AP4E1: variants seen among roughly 807,000 people sequenced by gnomAD.
AP4E1 encodes adaptor related protein complex 4 subunit epsilon 1.
In AP4E1, 56 loss-of-function variants were observed where a neutral mutation model predicts 128.2. That is an observed-to-expected ratio of 0.44 (90% confidence interval 0.35 to 0.55). AP4E1 has a LOEUF of 0.55. AP4E1 is among the 20% of genes least tolerant of loss of function. AP4E1 has a pLI of 0.00. For missense variants in AP4E1, 1,324 were observed against 1,307.7 expected, an observed-to-expected ratio of 1.01 and a Z score of -0.19; for synonymous variants, 484 against 473.1, an observed-to-expected ratio of 1.02 and a Z score of -0.30.
chr15:50,968,486 A>G (rs2064427556), intron 15 of AP4E1, 109 bp downstream of exon 15: 2 of 903,298 alleles, frequency 2.2e-6, no homozygotes, highest in Admixed American at 4.4e-5. Flanking sequence ...ATTTCTCTTT[A>G]ATGATTCACT....
intron 5 of AP4E1, among the ~76,000 whole-genome samples, chr15:50,926,780 C>T (rs1331534481): frequency 6.6e-6 from 1 of 151,932 alleles, no homozygotes; most frequent in African/African-American, 2.4e-5. Flanking sequence ...TTAGTAGAGA[C>T]AGTGTTTCAC....
chr15:50,997,283 G>A, intron 17 of AP4E1, 43 bp from the exon 18 acceptor site: 8 of 1,496,272 alleles, frequency 5.3e-6, no homozygotes, highest in Non-Finnish European at 7.1e-6. Context: ...CTCATGACTA[G>A]TAGAATGATT....
intron 16 of AP4E1, among the ~76,000 whole-genome samples, chr15:50,992,605 T>C (rs1163362327): frequency 2.0e-5 from 3 of 152,218 alleles, no homozygotes; most frequent in African/African-American, 7.2e-5. Flanking sequence ...ATGCCTTGTT[T>C]AGGCTTTTTG....
intron 7 of AP4E1, among the ~76,000 whole-genome samples, chr15:50,931,786 C>T (rs2063839882): frequency 6.6e-6 from 1 of 152,076 alleles, no homozygotes; most frequent in South Asian, 2.1e-4. Context: ...AAAATCTCTT[C>T]TTAGCTTGAA....
In AP4E1 at chr15:50,924,098, AAAGTGGGCTTGCAG is replaced by A. The variant is rs2063740646; in HGVS notation, c.420+97_420+110del. 5.7e-6 allele frequency: 6 copies of A among 1,058,474 alleles called. No homozygotes were observed. In the East Asian group the frequency reaches 1.5e-4, roughly 26 times the overall value. The allele number at this position is 1,058,474 out of a possible 1,614,324, so 65.6% of individuals were successfully genotyped here. On this transcript the variant is annotated intron_variant, in intron 4 of 20. Coordinates refer to ENST00000261842, the MANE Select transcript of AP4E1 (RefSeq NM_007347.5). ...ATATTCAACTAGATGAGATTAGAAGAAAGTGGGCTTGCAGAATGGGCTTAGAAGAATCTTTTAGA... is the reference window on the plus strand; with the variant it reads ...ATATTCAACTAGATGAGATTAGAAGAAATGGGCTTAGAAGAATCTTTTAGA...
intron 16 of AP4E1, among the ~76,000 whole-genome samples, chr15:50,988,846 G>T (rs1483546476): frequency 6.6e-6 from 1 of 152,158 alleles, no homozygotes; most frequent in Non-Finnish European, 1.5e-5. Flanking sequence ...AATGCTTTCA[G>T]AGTTACTTTC....
upstream of AP4E1, among the ~76,000 whole-genome samples, chr15:50,907,935 T>C (rs1422028056): frequency 6.6e-6 from 1 of 152,206 alleles, no homozygotes; most frequent in Admixed American, 6.5e-5. Context: ...AACTGCGACC[T>C]GTTCTAAAGT....
chr15:50,908,643 G>A, upstream of AP4E1: 1 of 1,164,424 alleles, frequency 8.6e-7, no homozygotes. Context: ...AACTTGTTCA[G>A]GTGGGACGCC....
rs1245295225 is a variant in AP4E1, at chr15:50,997,746, A to G, written c.2767A>G (p.Asn923Asp). The change falls in exon 18 of 21, where the codon AAT becomes GAT. Residue 923 changes from asparagine (N) to aspartate (D), a missense_variant. Transcript: ENST00000261842. Reference sequence around the variant, plus strand: ...ACACTCAAATGCTATGGAAGTCTGTAATAATGAAACTATATCAGTGTCTTC... The same window carrying G: ...ACACTCAAATGCTATGGAAGTCTGTGATAATGAAACTATATCAGTGTCTTC... ...YIHSNAMEVCNNETISVSSYK... is the reference protein window; with the variant it reads ...YIHSNAMEVCDNETISVSSYK... 1 of 1,613,622 alleles carries G rather than the reference A, an allele frequency of 6.2e-7. No individual in the cohort carries two copies. Among genetic ancestry groups the G allele is most frequent in the Non-Finnish European group, 8.5e-7 (1 of 1,179,916 alleles).
intron 10 of AP4E1, among the ~76,000 whole-genome samples, chr15:50,946,741 A>G (rs2064066733): frequency 6.6e-6 from 1 of 152,212 alleles, no homozygotes. Context: ...TATTTCTCAT[A>G]TTGATTTCTG....
intron 19 of AP4E1, among the ~76,000 whole-genome samples, chr15:51,000,171 C>G (rs1453562672): frequency 1.8e-5 from 2 of 110,108 alleles, no homozygotes; most frequent in African/African-American, 7.1e-5. Context: ...TAAACAGGGT[C>G]TTGCTGTGTC....
At chr15:50,981,079 T>C (rs1321076312) in intron 15 of AP4E1, among the ~76,000 whole-genome samples, 1 of 152,146 alleles carries the variant, frequency 6.6e-6, no homozygotes, top group African/African-American at 2.4e-5. Context: ...TAGTGGAGCC[T>C]TGGGAGTGGG....
chr15:50,969,134 GT>G (rs1415444542), intron 15 of AP4E1, among the ~76,000 whole-genome samples: 1 of 151,880 alleles, frequency 6.6e-6, no homozygotes, highest in Non-Finnish European at 1.5e-5. Flanking sequence ...GTACCCATTA[GT>G]TTTCCTGATC....
chr15:50,912,028 C>A, intron 1 of AP4E1, 50 bp from the exon 2 acceptor site: 1 of 1,361,166 alleles, frequency 7.3e-7, no homozygotes, highest in Non-Finnish European at 1.1e-6. Context: ...AATGCTGTTA[C>A]AGTTTTAAAA....
intron 16 of AP4E1, among the ~76,000 whole-genome samples, chr15:50,990,638 A>G (rs1390144246): frequency 2.6e-5 from 4 of 151,730 alleles, no homozygotes; most frequent in South Asian, 2.1e-4. Context: ...CGCCTGCCTC[A>G]GCGTCAGTGC....
intron 8 of AP4E1, among the ~76,000 whole-genome samples, chr15:50,935,657 T>C (rs1487095878): frequency 6.6e-6 from 1 of 152,136 alleles, no homozygotes; most frequent in Non-Finnish European, 1.5e-5. Context: ...TGGTAAAATA[T>C]CATGAAGTAG....
At chr15:50,941,209 A>G (rs1161963110) in intron 8 of AP4E1, among the ~76,000 whole-genome samples, 1 of 152,162 alleles carries the variant, frequency 6.6e-6, no homozygotes, top group Non-Finnish European at 1.5e-5. Flanking sequence ...TTCCATTAAT[A>G]AATGCATAAT....
chr15:50,995,977 C>T (rs1372356379), intron 17 of AP4E1, among the ~76,000 whole-genome samples: 1 of 134,744 alleles, frequency 7.4e-6, no homozygotes, highest in African/African-American at 2.7e-5. Context: ...GTCTAATATA[C>T]ATCTTTTTTT....
rs1567270004 is a variant in AP4E1 at position 51,002,377 on chromosome 15, TC to T, written c.3254-123del. ...CTCACTGTGGTTTCAATTTGCAGTCTCCTTAGTGGTTAGTGATATTGAGTAT... is the reference window on the plus strand; with the variant it reads ...CTCACTGTGGTTTCAATTTGCAGTCTCTTAGTGGTTAGTGATATTGAGTAT... On this transcript the variant is annotated intron_variant, in intron 20 of 20. Transcript: ENST00000261842. 7.2e-6 allele frequency: 7 copies of T among 976,360 alleles called. No homozygotes were observed. The Admixed American group carries it at 1.1e-4, about 15-fold the overall frequency. 60.5% of individuals were successfully genotyped at this position (976,360 alleles called of 1,614,324 possible).
Sources: allele counts gnomAD v4.1 joint callset (sites outside exome capture counted in the v4.1 genomes callset), GRCh38; gene constraint gnomAD v4.1.1; transcripts MANE v1.5; gene names NCBI Gene and HGNC (gene_info 2026-07-23, HGNC 2026-07-21).